Variants in FLT3 observed in about 807,000 individuals in gnomAD.
FLT3 encodes receptor-type tyrosine-protein kinase FLT3.
Under a neutral mutation model 126.6 loss-of-function variants are expected in FLT3, and 46 were observed. The ratio of observed to expected loss-of-function variants is 0.36; its 90% CI spans 0.29 to 0.46. The LOEUF (loss-of-function observed/expected upper bound fraction) is 0.46, where lower values mean the gene tolerates loss of function less well. FLT3 is among the 20% of genes least tolerant of loss of function. The pLI is 1.00. For synonymous variants in FLT3, 404 were observed against 434.4 expected (o/e 0.93, Z 0.87); for missense variants, 1,069 against 1,190.3 (o/e 0.90, Z 1.50).
At chr13:28,034,966 T>C (rs796838304) in intron 12 of FLT3, among the ~76,000 whole-genome samples, 4 of 151,846 alleles carry the variant, frequency 2.6e-5, no homozygotes, top group African/African-American at 9.7e-5. Context: ...TGCATGGATT[T>C]AAACCTACAG....
intron 19 of FLT3, among the ~76,000 whole-genome samples, chr13:28,022,383 GC>G (rs1212044226): frequency 7.2e-5 from 11 of 152,024 alleles, no homozygotes; most frequent in Admixed American, 3.3e-4. Flanking sequence ...ATGCTGGTAT[GC>G]ACCCGTGGTC....
chr13:28,027,181 C>T lies in FLT3; in HGVS notation c.2114G>A (p.Ser705Asn), dbSNP rs765864291. 16 of 1,612,844 alleles carry T rather than the reference C, an allele frequency of 9.9e-6. No individual in the cohort carries two copies. In the South Asian group the frequency reaches 1.8e-4, roughly 18 times the overall value. Residue 705 changes from serine to asparagine, a missense_variant, in exon 17 of 24, where the codon AGT becomes AAT. Physicochemically the swap from Ser to Asn is conservative, Grantham distance 46. Transcript: ENST00000241453. ...CYGDLLNYLR[S>N]KREKFHRTWT... The stretch of plus-strand genomic sequence containing the variant: ...AGTCCTGTGAAATTTTTCTCTTTTA[C>T]TTCTTAGATAGTTGAGAAGATCACC...
At chr13:28,021,304 C>T (rs571216375) in intron 19 of FLT3, among the ~76,000 whole-genome samples, 10 of 152,272 alleles carry the variant, frequency 6.6e-5, no homozygotes, top group African/African-American at 2.2e-4. Context: ...GCAGGAGGAT[C>T]GCTTGAACCT....
intron 15 of FLT3, among the ~76,000 whole-genome samples, chr13:28,033,434 C>G (rs73436978): frequency 1.3e-5 from 2 of 152,060 alleles, no homozygotes; most frequent in Non-Finnish European, 2.9e-5. Flanking sequence ...GAGGCCGAGG[C>G]GGGCAGATAG....
At chr13:28,090,443 G>T (rs557976683) in intron 1 of FLT3, among the ~76,000 whole-genome samples, 1 of 152,248 alleles carries the variant, frequency 6.6e-6, no homozygotes, top group South Asian at 2.1e-4. Flanking sequence ...TAAAGAGGAT[G>T]AAATTTACTG....
intron 15 of FLT3, among the ~76,000 whole-genome samples, chr13:28,030,600 G>A (rs912155030): frequency 7.2e-5 from 11 of 152,100 alleles, no homozygotes; most frequent in Admixed American, 3.3e-4. Flanking sequence ...GGGTCCCCGC[G>A]CCTCTAATCC....
Position 28,029,400 on chromosome 13 carries a change from CAAAACAAA to C in FLT3, c.1943-1120_1943-1113del, listed in dbSNP as rs1349500706. On this transcript the variant is annotated intron_variant, in intron 15 of 23. Transcript: ENST00000241453. The stretch of plus-strand genomic sequence containing the variant: ...ACAGAGCGAGACTCTGTCTCAAAAA[CAAAACAAA>C]ACAAAACAAAACAAAGACTATAGTA... 1.1e-4 allele frequency among the ~76,000 whole-genome samples: 12 copies of C among 110,300 alleles called. 1 individual carries two copies. The highest frequency in any genetic ancestry group is 8.2e-4 in the African/African-American group (12 of 14,632). 72.4% of individuals were successfully genotyped at this position (110,300 alleles called of 152,430 possible).
chr13:28,093,586 T>C (rs1879265053), intron 1 of FLT3, among the ~76,000 whole-genome samples: 1 of 152,126 alleles, frequency 6.6e-6, no homozygotes, highest in Admixed American at 6.6e-5. Context: ...GAAATCATAG[T>C]TTTCCATCTG....
At chr13:28,026,793 G>C (rs1428851044) in intron 17 of FLT3, among the ~76,000 whole-genome samples, 1 of 152,196 alleles carries the variant, frequency 6.6e-6, no homozygotes, top group African/African-American at 2.4e-5. Flanking sequence ...AGGCAACCAG[G>C]TGTCCTGAAA....
At chr13:28,040,565 G>A (rs943535185) in intron 9 of FLT3, among the ~76,000 whole-genome samples, 2 of 152,142 alleles carry the variant, frequency 1.3e-5, no homozygotes, top group Non-Finnish European at 1.5e-5. Flanking sequence ...ACGCCACTGC[G>A]TAATTGCAGC....
chr13:28,014,653 A>T, intron 22 of FLT3, 96 bp from the exon 23 acceptor site: 1 of 807,992 alleles, frequency 1.2e-6, no homozygotes, highest in East Asian at 2.6e-5. Flanking sequence ...ATTCCTCTGG[A>T]GCTGCTTATT....
chr13:28,055,352 CTAATT>C (rs1300938598), intron 4 of FLT3, among the ~76,000 whole-genome samples: 1 of 152,212 alleles, frequency 6.6e-6, no homozygotes, highest in Non-Finnish European at 1.5e-5. Flanking sequence ...TCAACTGCTC[CTAATT>C]TAAAGAATTC....
At chr13:28,024,673 A>C (rs1056060503) in intron 18 of FLT3, among the ~76,000 whole-genome samples, 188 bp downstream of exon 18, 2 of 152,262 alleles carry the variant, frequency 1.3e-5, no homozygotes, top group Admixed American at 6.5e-5. Flanking sequence ...CAAATAAAAT[A>C]GTCCTCAGTG....
chr13:28,070,342 T>G, intron 2 of FLT3, 149 bp downstream of exon 2: 1 of 610,794 alleles, frequency 1.6e-6, no homozygotes, highest in Non-Finnish European at 2.9e-6. Context: ...GAGCTAGGAG[T>G]ATAGATGCTC....
chr13:28,019,131 C>A (rs1331100292), intron 19 of FLT3, among the ~76,000 whole-genome samples: 1 of 152,036 alleles, frequency 6.6e-6, no homozygotes, highest in Non-Finnish European at 1.5e-5. Context: ...CCAGGCCCAG[C>A]TAATTTTGTG....
At position 28,022,769 on chromosome 13, in the gene FLT3, G is replaced by C. The variant is rs116378425; in HGVS notation, c.2418+581C>G. Among the ~76,000 whole-genome samples the C allele has an allele frequency of 6.3e-3, 966 of 152,314 alleles. 15 individuals are homozygous for C. The highest frequency in any genetic ancestry group is 0.022 in the African/African-American group (915 of 41,578). On this transcript the variant is annotated intron_variant, in intron 19 of 23. Transcript: ENST00000241453. Reference sequence around the variant, plus strand: ...GGCAGGAGACATTTGAAATCACAGAGAACAGCGGGTGGAAAGGCAGTTCAA... The same window carrying C: ...GGCAGGAGACATTTGAAATCACAGACAACAGCGGGTGGAAAGGCAGTTCAA...
rs527604873 is a variant in FLT3, at chr13:28,039,516, C to T, written c.1206-2228G>A. 3.3e-5 allele frequency among the ~76,000 whole-genome samples: 5 copies of T among 149,842 alleles called. No individual in the cohort carries two copies. In the East Asian group the frequency reaches 1.0e-3, roughly 30 times the overall value. On this transcript the variant is annotated intron_variant, in intron 9 of 23. Transcript: ENST00000241453. ...AATACAAATTACTTATTTTCTACAA[C>T]AATGCTTACTGCCCTGAGCATTGCA...
chr13:28,073,138 T>G (rs1228817503), intron 1 of FLT3, among the ~76,000 whole-genome samples: 2 of 151,920 alleles, frequency 1.3e-5, no homozygotes, highest in South Asian at 2.1e-4. Context: ...GCCAGGAGTT[T>G]GAGACCAGCC....
Position 28,100,523 on chromosome 13 carries a change from C to T in FLT3, c.-13G>A. On this transcript the variant is annotated 5_prime_UTR_variant, in exon 1 of 24. Transcript: ENST00000241453. This position sits in a 1 kb window ranked among gnomAD's most constrained non-coding sequence, Gnocchi z 4.8. ...CCAACGCCGGCATGGCCTCCGGAGC[C>T]CGGGGTCCCCAGGCCGCGCCGGCCC... 1 of 1,213,940 alleles carries T rather than the reference C, an allele frequency of 8.2e-7. No homozygotes were observed. Among genetic ancestry groups the T allele is most frequent in the Non-Finnish European group, 1.0e-6 (1 of 976,334 alleles). 75.2% of individuals were successfully genotyped at this position (1,213,940 alleles called of 1,614,324 possible). A position where few individuals can be genotyped will look rare whatever the true frequency, so the allele number is the denominator to read the frequency against.
Sources: allele counts gnomAD v4.1 joint callset (sites outside exome capture counted in the v4.1 genomes callset), GRCh38; gene constraint gnomAD v4.1.1; non-coding constraint Gnocchi (gnomAD v3.1); transcripts MANE v1.5; gene names NCBI Gene and HGNC (gene_info 2026-07-23, HGNC 2026-07-21).